The following HMCN2 variants were observed in gnomAD, a reference collection of about 807,000 sequenced individuals.
The protein encoded by HMCN2 is hemicentin-2.
HMCN2 carries 325 observed loss-of-function variants against 377.5 expected under a neutral mutation model. The observed-to-expected ratio is 0.86, with a 90% confidence interval of 0.79 to 0.94. The LOEUF is 0.94. Among genes scored for constraint, HMCN2 ranks in the 40% least tolerant of loss-of-function variants. HMCN2 has a pLI of 0.00. For synonymous variants in HMCN2, 2,007 were observed against 2,046.8 expected, an observed-to-expected ratio of 0.98 and a Z score of 0.53; for missense variants, 4,543 against 4,725.3, an observed-to-expected ratio of 0.96 and a Z score of 1.13.
At chr9:130,273,863 T>C (rs1834535390) in intron 1 of HMCN2, among the ~76,000 whole-genome samples, 1 of 152,116 alleles carries the variant, frequency 6.6e-6, no homozygotes, top group South Asian at 2.1e-4. Context: ...TGAGTTTTTG[T>C]CATCAAGTGA....
intron 34 of HMCN2, 84 bp from the exon 35 acceptor site, chr9:130,357,750 C>T (rs1840118825): frequency 9.1e-7 from 1 of 1,095,704 alleles, no homozygotes; most frequent in Non-Finnish European, 1.2e-6. Context: ...CCTTCTCACC[C>T]CCAGGCATCG....
chr9:130,430,449 G>C lies in HMCN2; in HGVS notation c.14492G>C (p.Arg4831Pro). Residue 4831 changes from arginine to proline, a missense_variant, in exon 95 of 98, where the codon CGA becomes CCA. Transcript: ENST00000683500. The stretch of plus-strand genomic sequence containing the variant: ...CAAAATGTGACCACCGTCAGCCACC[G>C]AGGCCCTCTATTGCCCTGGCTGCGG... ...NGQNVTTVSH[R>P]GPLLPWLRPW... 7 of 1,550,586 alleles carry C rather than the reference G, an allele frequency of 4.5e-6. No homozygotes were observed. The highest frequency in any genetic ancestry group is 6.1e-6 in the Non-Finnish European group (7 of 1,146,968).
intron 80 of HMCN2, 43 bp from the exon 81 acceptor site, chr9:130,404,826 C>G: frequency 1.7e-6 from 2 of 1,182,546 alleles, no homozygotes; most frequent in Non-Finnish European, 2.1e-6. Context: ...TGTCAGCCGC[C>G]TCCCTGAGCC....
chr9:130,421,802 C>T (rs1214388076), intron 86 of HMCN2, among the ~76,000 whole-genome samples: 1 of 152,164 alleles, frequency 6.6e-6, no homozygotes, highest in African/African-American at 2.4e-5. Flanking sequence ...ATTAACCAGC[C>T]CCTTGATTCA....
chr9:130,383,421 G>A, intron 56 of HMCN2, 83 bp from the exon 57 acceptor site: 1 of 567,532 alleles, frequency 1.8e-6, no homozygotes, highest in Non-Finnish European at 2.2e-6. Context: ...TGGGATGGGA[G>A]GGATTCCTCG....
Position 130,433,910 on chromosome 9 carries a change from T to G in HMCN2, c.*217T>G. Reference sequence around the variant, plus strand: ...GGAGGCGTCCAGGGCGGCCCTTGGGTGGCCAGTCCCGCAGGCAGGGCCCGG... The same window carrying G: ...GGAGGCGTCCAGGGCGGCCCTTGGGGGGCCAGTCCCGCAGGCAGGGCCCGG... On this transcript the variant is annotated 3_prime_UTR_variant, in exon 98 of 98. Transcript: ENST00000683500. 1 of 460,908 alleles carries G rather than the reference T, an allele frequency of 2.2e-6. No homozygotes were observed. 28.6% of individuals were successfully genotyped at this position (460,908 alleles called of 1,614,324 possible).
chr9:130,330,868 G>T (rs1435956091), intron 22 of HMCN2, among the ~76,000 whole-genome samples: 1 of 151,866 alleles, frequency 6.6e-6, no homozygotes, highest in Admixed American at 6.6e-5. Context: ...GGTGGCTCAT[G>T]CCTGTAATCC....
intron 1 of HMCN2, among the ~76,000 whole-genome samples, chr9:130,283,496 C>T (rs1326974297): frequency 1.3e-5 from 2 of 150,088 alleles, no homozygotes; most frequent in Non-Finnish European, 3.0e-5. Context: ...TGAAATGCTC[C>T]GATCTTAGCT....
At chr9:130,418,445 G>A (rs1843810078) in intron 85 of HMCN2, among the ~76,000 whole-genome samples, 1 of 152,110 alleles carries the variant, frequency 6.6e-6, no homozygotes, top group African/African-American at 2.4e-5. Flanking sequence ...CTCTTGGGAG[G>A]CTGAGATGGG....
intron 21 of HMCN2, 139 bp downstream of exon 21, chr9:130,326,109 G>A (rs1838122481): frequency 6.6e-6 from 1 of 152,184 alleles, no homozygotes; most frequent in African/African-American, 2.4e-5. Context: ...CTCTGCACAG[G>A]ACCCGCGTCC....
Position 130,425,822 on chromosome 9 carries a change from C to G in HMCN2, c.13777C>G (p.Gln4593Glu). ...CCAGTACAACGCGGCCCGGGGCCCC[C>G]AGCCCCAGCTGGTGCAGCACCTGCG... ...SIQYNAARGP[Q>E]PQLVQHLRAS... The change falls in exon 90 of 98, where the codon CAG becomes GAG. Residue 4593 changes from glutamine (Q) to glutamate (E), a missense_variant. Physicochemically the swap from Gln to Glu is conservative, Grantham distance 29. This residue lies in a region of HMCN2 where 1,155 missense variants were observed against 1,157.7 expected (regional missense o/e 1.00). Transcript: ENST00000683500. 1.9e-6 allele frequency: 3 copies of G among 1,550,530 alleles called. No individual in the cohort carries two copies. The highest frequency in any genetic ancestry group is 1.7e-6 in the Non-Finnish European group (2 of 1,146,968).
chr9:130,269,168 C>T (rs1486325295), intron 1 of HMCN2, among the ~76,000 whole-genome samples: 11 of 147,668 alleles, frequency 7.4e-5, no homozygotes, highest in African/African-American at 2.7e-4. Flanking sequence ...AACTAAGATC[C>T]GTGCTTCGGA....
intron 22 of HMCN2, among the ~76,000 whole-genome samples, chr9:130,333,382 G>A (rs1380508486): frequency 6.6e-6 from 1 of 152,194 alleles, no homozygotes; most frequent in African/African-American, 2.4e-5. Context: ...CATTATTCCT[G>A]GCACTCCCTA....
intron 22 of HMCN2, among the ~76,000 whole-genome samples, chr9:130,333,583 C>T (rs1047548702): frequency 5.3e-4 from 80 of 152,320 alleles, no homozygotes; most frequent in African/African-American, 1.9e-3. Flanking sequence ...CCGTGCACGT[C>T]GCGATGAAGT....
chr9:130,278,359 C>T (rs1834912650), intron 1 of HMCN2, among the ~76,000 whole-genome samples: 1 of 151,976 alleles, frequency 6.6e-6, no homozygotes, highest in Non-Finnish European at 1.5e-5. Flanking sequence ...CTCCTGACCT[C>T]GTGATCCGCC....
chr9:130,409,938 G>C (rs1843326325), intron 84 of HMCN2, among the ~76,000 whole-genome samples: 1 of 152,290 alleles, frequency 6.6e-6, no homozygotes, highest in African/African-American at 2.4e-5. Flanking sequence ...TGGTGGCGCT[G>C]CCACTCAGAA....
intron 4 of HMCN2, 105 bp downstream of exon 4, chr9:130,286,415 A>G: frequency 2.3e-6 from 1 of 427,278 alleles, no homozygotes; most frequent in Non-Finnish European, 4.8e-6. Flanking sequence ...TCAATCATCC[A>G]GAGATGCAGG....
At chr9:130,397,450 G>T (rs1842661066) in intron 73 of HMCN2, 78 bp from the exon 74 acceptor site, 1 of 1,231,014 alleles carries the variant, frequency 8.1e-7, no homozygotes, top group Non-Finnish European at 1.1e-6. Flanking sequence ...GGGGCAGAGG[G>T]AAGGGTCTTG....
At chr9:130,287,155 A>G (rs910250597) in intron 4 of HMCN2, among the ~76,000 whole-genome samples, 7 of 151,968 alleles carry the variant, frequency 4.6e-5, no homozygotes, top group Non-Finnish European at 1.0e-4. Context: ...CCCACACACC[A>G]CTGGATCCCG....
Sources: allele counts gnomAD v4.1 joint callset (sites outside exome capture counted in the v4.1 genomes callset), GRCh38; gene constraint gnomAD v4.1.1; regional missense constraint gnomAD v4.1.1; transcripts MANE v1.5; gene names NCBI Gene and HGNC (gene_info 2026-07-23, HGNC 2026-07-21).